Variants in NPAS2 observed in about 807,000 individuals in gnomAD.
NPAS2 encodes the protein neuronal PAS domain-containing protein 2.
A neutral mutation model predicts 107.5 loss-of-function variants in NPAS2; 23 were observed. The ratio of observed to expected loss-of-function variants is 0.21; its 90% CI spans 0.15 to 0.30. The LOEUF (loss-of-function observed/expected upper bound fraction) is 0.30. Among genes scored for constraint, NPAS2 ranks in the 10% least tolerant of loss-of-function variants. The pLI is 1.00. For missense variants in NPAS2, 756 were observed against 1,043.3 expected, an observed-to-expected ratio of 0.72 and a Z score of 3.79; for synonymous variants, 403 against 417.5, an observed-to-expected ratio of 0.97 and a Z score of 0.42.
At chr2:100,831,059 GGAGGCT>G (rs1417819978) in intron 1 of NPAS2, among the ~76,000 whole-genome samples, 1 of 152,128 alleles carries the variant, frequency 6.6e-6, no homozygotes, top group East Asian at 1.9e-4. Context: ...TAGCACTTTG[GGAGGCT>G]GAGGCAGGTG....
In NPAS2 at chr2:100,990,885, T is replaced by G. The variant is rs760100417; in HGVS notation, c.2111+13T>G. ...GACGGCAAGTCAAGTACGTGGACCCTGGCGGGAGGCAGGAGGCAAGCGCTG... is the reference window on the plus strand; with the variant it reads ...GACGGCAAGTCAAGTACGTGGACCCGGGCGGGAGGCAGGAGGCAAGCGCTG... On this transcript the variant is annotated intron_variant, in intron 19 of 20. Transcript: ENST00000335681. The G allele has an allele frequency of 7.4e-6, 12 of 1,612,362 alleles. No individual in the cohort carries two copies. In the South Asian group the frequency reaches 1.3e-4, roughly 18 times the overall value.
In NPAS2 at chr2:100,982,363, G is replaced by T; in HGVS notation, c.1615G>T (p.Asp539Tyr). Residue 539 changes from aspartate (D) to tyrosine (Y), a missense_variant, in exon 16 of 21, where the codon GAC (aspartate) becomes TAC (tyrosine). Asp to Tyr is a radical substitution (Grantham distance 160). Transcript: ENST00000335681. The part of the protein sequence containing the change: ...KIQEQLCLVQ[D>Y]SNVQMFLQQP... ...CCAGGAGCAGCTCTGCCTGGTCCAG[G>T]ACTCCAACGTCCAGGTGATCCCCTT... 2 of 1,614,056 alleles carry T rather than the reference G, an allele frequency of 1.2e-6. No homozygotes were observed. The highest frequency in any genetic ancestry group is 1.7e-6 in the Non-Finnish European group (2 of 1,180,036).
chr2:100,890,050 TC>T (rs1201289604), intron 1 of NPAS2, among the ~76,000 whole-genome samples: 2 of 152,082 alleles, frequency 1.3e-5, no homozygotes, highest in African/African-American at 4.8e-5. Flanking sequence ...AGTGGTGAGT[TC>T]CTGGTTCATT....
intron 5 of NPAS2, among the ~76,000 whole-genome samples, chr2:100,944,035 T>C (rs985481448): frequency 6.6e-6 from 1 of 152,172 alleles, no homozygotes; most frequent in Non-Finnish European, 1.5e-5. Context: ...TTCTTACTAT[T>C]ACAAAGTCAA....
At chr2:100,959,790 T>C (rs1270245496) in intron 7 of NPAS2, among the ~76,000 whole-genome samples, 2 of 152,214 alleles carry the variant, frequency 1.3e-5, no homozygotes, top group Non-Finnish European at 2.9e-5. Flanking sequence ...TAGTATGTTT[T>C]CCTCCAGCCA....
At chr2:100,890,469 C>T (rs1379707770) in intron 1 of NPAS2, among the ~76,000 whole-genome samples, 1 of 152,090 alleles carries the variant, frequency 6.6e-6, no homozygotes, top group Non-Finnish European at 1.5e-5. Context: ...AATCTCGGGG[C>T]AAGGAGAGGT....
intron 3 of NPAS2, among the ~76,000 whole-genome samples, chr2:100,932,168 C>T (rs1371256775): frequency 1.3e-5 from 2 of 152,170 alleles, no homozygotes; most frequent in African/African-American, 2.4e-5. Context: ...ATTTGAGCCA[C>T]CTATAATTAT....
intron 1 of NPAS2, among the ~76,000 whole-genome samples, chr2:100,865,369 C>T (rs1412375114): frequency 1.3e-5 from 2 of 152,112 alleles, no homozygotes; most frequent in Non-Finnish European, 2.9e-5. Context: ...GTACTGGGAA[C>T]GTAGCCTGGA....
In NPAS2 at chr2:100,925,292, A is replaced by G. The variant is rs530619759; in HGVS notation, c.179A>G (p.Asn60Ser). The G allele has an allele frequency of 1.5e-4, 242 of 1,613,874 alleles. No individual in the cohort carries two copies. Among genetic ancestry groups the G allele is most frequent in the Non-Finnish European group, 1.8e-4 (208 of 1,179,980 alleles). Residue 60 changes from asparagine to serine, a missense_variant and splice_region_variant, in exon 3 of 21, where the codon AAT becomes AGT. Around this residue, in one of 4 missense-constraint regions of NPAS2, gnomAD observed 146 missense variants for 249.6 expected, o/e 0.58. Transcript: ENST00000335681. ...EKVIGFLQKH[N>S]EVSAQTEICD... is the part of the protein sequence containing the mutation. The stretch of plus-strand genomic sequence containing the variant: ...GTCATCGGATTTTTGCAGAAACACA[A>G]TGGTAAAGGTCACCCTTCTCTCTGT...
intron 1 of NPAS2, chr2:100,821,257 A>G: frequency 7.9e-7 from 1 of 1,261,236 alleles, no homozygotes; most frequent in Non-Finnish European, 1.0e-6. Context: ...AGTTTTGTTG[A>G]TTAAGCAAGA....
At chr2:100,876,564 T>C (rs956298562) in intron 1 of NPAS2, among the ~76,000 whole-genome samples, 1 of 152,210 alleles carries the variant, frequency 6.6e-6, no homozygotes, top group Non-Finnish European at 1.5e-5. Context: ...CCAGCTGTAT[T>C]TGGAGACTAT....
intron 12 of NPAS2, among the ~76,000 whole-genome samples, chr2:100,971,604 G>A (rs1558925163): frequency 6.6e-6 from 1 of 152,160 alleles, no homozygotes; most frequent in Non-Finnish European, 1.5e-5. Context: ...TGTGTCCAGG[G>A]GTGTTAGTGA....
intron 1 of NPAS2, among the ~76,000 whole-genome samples, chr2:100,891,762 C>A (rs1418082505): frequency 6.6e-6 from 1 of 152,186 alleles, no homozygotes; most frequent in Non-Finnish European, 1.5e-5. Flanking sequence ...GTCTAGGTGT[C>A]CAAAACTAAT....
intron 1 of NPAS2, among the ~76,000 whole-genome samples, chr2:100,837,764 A>G (rs948117008): frequency 6.6e-6 from 1 of 152,188 alleles, no homozygotes; most frequent in Non-Finnish European, 1.5e-5. Flanking sequence ...TTTCAAGCTG[A>G]AGTAAAGAAC....
chr2:100,956,405 A>G (rs1675570831), intron 7 of NPAS2, among the ~76,000 whole-genome samples: 1 of 151,584 alleles, frequency 6.6e-6, no homozygotes, highest in African/African-American at 2.4e-5. Flanking sequence ...CACTGCTCCC[A>G]TCTTTATGTC....
intron 1 of NPAS2, among the ~76,000 whole-genome samples, chr2:100,844,416 T>C (rs1046559345): frequency 1.3e-5 from 2 of 152,196 alleles, no homozygotes; most frequent in Admixed American, 6.5e-5. Flanking sequence ...TAAGTATACA[T>C]AAATGTTACA....
intron 3 of NPAS2, among the ~76,000 whole-genome samples, chr2:100,931,596 C>T (rs954659458): frequency 6.6e-6 from 1 of 150,904 alleles, no homozygotes; most frequent in African/African-American, 2.4e-5. Flanking sequence ...ATGCCATTCT[C>T]CTGCCTCAGC....
At chr2:100,945,600 C>T (rs538982640) in intron 5 of NPAS2, among the ~76,000 whole-genome samples, 143 of 152,322 alleles carry the variant, frequency 9.4e-4, no homozygotes, top group African/African-American at 3.4e-3. Context: ...CTGACTCCTC[C>T]GAGGCCTCTC....
chr2:100,940,868 G>T (rs1299888472), intron 5 of NPAS2, among the ~76,000 whole-genome samples: 1 of 152,228 alleles, frequency 6.6e-6, no homozygotes, highest in East Asian at 1.9e-4. Context: ...GAGGAGCTGA[G>T]AGGTGGTGGT....
Sources: gnomAD v4.1 joint callset for allele counts (sites outside exome capture counted in the v4.1 genomes callset) on GRCh38, gnomAD v4.1.1 for gene constraint, gnomAD v4.1.1 regional missense constraint, MANE v1.5 for transcripts, NCBI Gene and HGNC (gene_info 2026-07-23, HGNC 2026-07-21) for gene names.